The following ANKFY1 variants were observed in gnomAD, a reference collection of about 807,000 sequenced individuals.
The protein encoded by ANKFY1 is ankyrin repeat and FYVE domain containing 1.
ANKFY1 carries 47 observed loss-of-function variants against 128.3 expected under a neutral mutation model. The observed-to-expected ratio is 0.37, with a 90% CI of 0.29 to 0.47. The LOEUF (loss-of-function observed/expected upper bound fraction) is 0.47, where lower values mean the gene tolerates loss of function less well. Among genes scored for constraint, ANKFY1 ranks in the 20% least tolerant of loss-of-function variants. ANKFY1 has a pLI of 1.00. For missense variants in ANKFY1, 1,222 were observed against 1,510.6 expected (o/e 0.81, Z 3.17); for synonymous variants, 553 against 601.6 (o/e 0.92, Z 1.18).
intron 1 of ANKFY1, among the ~76,000 whole-genome samples, chr17:4,246,076 A>AC (rs1386583023): frequency 7.6e-4 from 115 of 152,258 alleles, no homozygotes; most frequent in African/African-American, 2.6e-3. Flanking sequence ...AAACAACCAA[A>AC]GAAAAAAAAT....
At chr17:4,229,653 G>A (rs1257409720) in intron 3 of ANKFY1, among the ~76,000 whole-genome samples, 2 of 152,222 alleles carry the variant, frequency 1.3e-5, no homozygotes, top group African/African-American at 4.8e-5. Flanking sequence ...AAAGCAGTAT[G>A]AGGATTAAGT....
chr17:4,225,217 C>T (rs1348647280), intron 3 of ANKFY1, among the ~76,000 whole-genome samples: 3 of 152,078 alleles, frequency 2.0e-5, no homozygotes, highest in Non-Finnish European at 4.4e-5. Flanking sequence ...AGTAGCCGAG[C>T]GTAGTGGTGC....
chr17:4,164,792 C>T lies in ANKFY1; in HGVS notation c.*2987G>A, dbSNP rs868765578. The T allele has an allele frequency of 6.6e-6, 1 of 151,912 alleles. No individual in the cohort carries two copies. The highest frequency in any genetic ancestry group is 1.5e-5 in the Non-Finnish European group (1 of 67,816). The allele number at this position is 151,912 out of a possible 1,614,324, so 9.4% of individuals were successfully genotyped here. On this transcript the variant is annotated 3_prime_UTR_variant, in exon 25 of 25. Transcript: ENST00000341657. ...GAGGAGTGGAGAAACCACACACACA[C>T]TGAGATCCACACAGGGACCCATTCA...
intron 3 of ANKFY1, among the ~76,000 whole-genome samples, chr17:4,230,367 T>C (rs1376356630): frequency 1.3e-5 from 2 of 152,200 alleles, no homozygotes; most frequent in African/African-American, 2.4e-5. Flanking sequence ...GTAAGATCTT[T>C]GCTTGAGAAA....
intron 2 of ANKFY1, among the ~76,000 whole-genome samples, chr17:4,237,135 C>CA (rs59525664): frequency 7.5e-4 from 110 of 145,920 alleles, no homozygotes; most frequent in African/African-American, 2.5e-3. Context: ...CACTCTGTCT[C>CA]AAAAAAAAAA....
Position 4,183,450 on chromosome 17 carries a change from C to T in ANKFY1, c.1900G>A (p.Asp634Asn). 3 of 1,613,874 alleles carry T rather than the reference C, an allele frequency of 1.9e-6. No homozygotes were observed. Among genetic ancestry groups the T allele is most frequent in the East Asian group, 2.2e-5 (1 of 44,894 alleles). The change falls in exon 14 of 25, where the codon GAC (aspartate) becomes AAC (asparagine). Residue 634 changes from aspartate (D) to asparagine (N), a missense_variant. Physicochemically the swap from Asp to Asn is conservative, Grantham distance 23. Coordinates refer to ENST00000341657, the MANE Select transcript of ANKFY1 (RefSeq NM_001330063.2). Reference protein sequence around the residue: ...TLLHMAIQRQDSKSALFLLEH... With the variant: ...TLLHMAIQRQNSKSALFLLEH... Reference sequence around the variant, plus strand: ...AGCAGGAAGAGTGCGCTCTTGCTGTCCTGCCGCTGTATGGCCATGTGCAGT... The same window carrying T: ...AGCAGGAAGAGTGCGCTCTTGCTGTTCTGCCGCTGTATGGCCATGTGCAGT...
chr17:4,261,729 GA>G (rs1247021976), intron 1 of ANKFY1, among the ~76,000 whole-genome samples: 2 of 152,218 alleles, frequency 1.3e-5, no homozygotes, highest in African/African-American at 2.4e-5. Flanking sequence ...GCTGCTGAAT[GA>G]AAAACCAGCA....
At chr17:4,247,683 T>C (rs979981353) in intron 1 of ANKFY1, among the ~76,000 whole-genome samples, 3 of 152,100 alleles carry the variant, frequency 2.0e-5, no homozygotes, top group African/African-American at 7.2e-5. Flanking sequence ...AGCTGTACAG[T>C]TCTTACAAGA....
chr17:4,263,674 GGCGCGGGA>G, intron 1 of ANKFY1: 1 of 1,531,806 alleles, frequency 6.5e-7, no homozygotes, highest in Non-Finnish European at 8.7e-7. Flanking sequence ...ACGCAGCACC[GGCGCGGGA>G]CCTGCCAGCC....
At chr17:4,221,977 C>T (rs1369538740) in intron 3 of ANKFY1, 1 of 152,248 alleles carries the variant, frequency 6.6e-6, no homozygotes, top group East Asian at 1.9e-4. Context: ...CGGACGATGC[C>T]GCCAAGGAGG....
At chr17:4,212,057 C>G (rs1481361480) in intron 4 of ANKFY1, among the ~76,000 whole-genome samples, 2 of 152,192 alleles carry the variant, frequency 1.3e-5, no homozygotes, top group East Asian at 3.8e-4. Flanking sequence ...GCCAGAATTC[C>G]TGGAAGCCTT....
intron 1 of ANKFY1, among the ~76,000 whole-genome samples, chr17:4,250,838 G>C (rs1185154797): frequency 6.6e-6 from 1 of 152,092 alleles, no homozygotes; most frequent in African/African-American, 2.4e-5. Context: ...TCTCAGTATG[G>C]CGCCCAAGCT....
chr17:4,167,743 G>C lies in ANKFY1; in HGVS notation c.*36C>G. 1 of 1,581,680 alleles carries C rather than the reference G, an allele frequency of 6.3e-7. No homozygotes were observed. The highest frequency in any genetic ancestry group is 8.6e-7 in the Non-Finnish European group (1 of 1,161,062). On this transcript the variant is annotated 3_prime_UTR_variant, in exon 25 of 25. Transcript: ENST00000341657. This position sits in a 1 kb window ranked among gnomAD's most constrained non-coding sequence, Gnocchi z 4.1. Reference sequence around the variant, plus strand: ...TGAGCAGAGCAGCTGCTGGGGAGGTGACCAAGGACGTGGCCTGGACCCTCC... The same window carrying C: ...TGAGCAGAGCAGCTGCTGGGGAGGTCACCAAGGACGTGGCCTGGACCCTCC...
At chr17:4,255,657 T>G (rs1016788588) in intron 1 of ANKFY1, among the ~76,000 whole-genome samples, 2 of 152,208 alleles carry the variant, frequency 1.3e-5, no homozygotes, top group African/African-American at 4.8e-5. Context: ...ACATTCTATT[T>G]GGAGAACTAC....
intron 1 of ANKFY1, among the ~76,000 whole-genome samples, chr17:4,251,181 C>T (rs567519876): frequency 6.6e-6 from 1 of 152,262 alleles, no homozygotes; most frequent in South Asian, 2.1e-4. Flanking sequence ...GAGGAAAGAA[C>T]AATGGGACCA....
chr17:4,169,272 C>A lies in ANKFY1; in HGVS notation c.3303G>T (p.Glu1101Asp), dbSNP rs1156851756. The change falls in exon 24 of 25, where the codon GAG becomes GAT. Residue 1101 changes from glutamate to aspartate, a missense_variant. Glu to Asp is a conservative substitution (Grantham distance 45). Coordinates refer to ENST00000341657, the MANE Select transcript of ANKFY1 (RefSeq NM_001330063.2). This position sits in a 1 kb window ranked among gnomAD's most constrained non-coding sequence, Gnocchi z 5.0. ...AGTAGGAGCCGTCACACCACGGAGG[C>A]TCCTTGGACAGCATATCTGCAACAC... ...LFRLLDMLSKEPPWCDGSYCY... is the reference protein window; with the variant it reads ...LFRLLDMLSKDPPWCDGSYCY... The A allele has an allele frequency of 6.4e-7, 1 of 1,550,590 alleles. No homozygotes were observed. The highest frequency in any genetic ancestry group is 2.0e-5 in the Admixed American group (1 of 51,076).
intron 13 of ANKFY1, 69 bp from the exon 14 acceptor site, chr17:4,183,620 C>A: frequency 6.3e-7 from 1 of 1,580,284 alleles, no homozygotes; most frequent in Non-Finnish European, 8.6e-7. Flanking sequence ...ACTACAACAG[C>A]CAGACCCTCT....
At chr17:4,176,102 C>T (rs1031181292) in intron 19 of ANKFY1, among the ~76,000 whole-genome samples, 2 of 152,190 alleles carry the variant, frequency 1.3e-5, no homozygotes, top group Admixed American at 6.5e-5. Flanking sequence ...TCATACCCAC[C>T]GCTCCTTAGC....
At chr17:4,256,840 G>A (rs1243283497) in intron 1 of ANKFY1, among the ~76,000 whole-genome samples, 1 of 152,096 alleles carries the variant, frequency 6.6e-6, no homozygotes, top group South Asian at 2.1e-4. Context: ...TGCTAGGTTC[G>A]TCTGCCTCAT....
Sources: gnomAD v4.1 joint callset for allele counts (sites outside exome capture counted in the v4.1 genomes callset) on GRCh38, gnomAD v4.1.1 for gene constraint, Gnocchi (gnomAD v3.1) non-coding constraint, MANE v1.5 for transcripts, NCBI Gene and HGNC (gene_info 2026-07-23, HGNC 2026-07-21) for gene names.